TENM4: variants seen among roughly 807,000 people sequenced by gnomAD.
TENM4 encodes teneurin-4.
A neutral mutation model predicts 243.3 loss-of-function variants in TENM4; 82 were observed. That is an observed-to-expected ratio of 0.34 (90% CI 0.28 to 0.40). The LOEUF is 0.40. Among genes scored for constraint, TENM4 ranks in the 10% least tolerant of loss-of-function variants. The probability of loss-of-function intolerance (pLI) is 1.00; values close to 1 mark genes in which losing one functional copy is unlikely to be tolerated. For synonymous variants in TENM4, 1,412 were observed against 1,456.3 expected (o/e 0.97, Z 0.69); for missense variants, 3,138 against 3,673.3 (o/e 0.85, Z 3.77).
chr11:78,957,731 C>CG (rs1256481274), intron 6 of TENM4, among the ~76,000 whole-genome samples: 2 of 152,154 alleles, frequency 1.3e-5, no homozygotes, highest in Non-Finnish European at 2.9e-5. Flanking sequence ...GACCCATGGA[C>CG]GGCCCAGCAT....
chr11:78,778,136 G>A (rs529472049), intron 17 of TENM4, among the ~76,000 whole-genome samples: 10 of 152,246 alleles, frequency 6.6e-5, no homozygotes, highest in African/African-American at 2.4e-4. Flanking sequence ...ATAGATGCTC[G>A]TTGGACGAAT....
intron 22 of TENM4, among the ~76,000 whole-genome samples, chr11:78,727,899 TC>T (rs1224121449): frequency 1.3e-5 from 2 of 152,212 alleles, no homozygotes; most frequent in African/African-American, 2.4e-5. Context: ...CCTTAAAGTT[TC>T]TTGTAGATGC....
Position 79,153,725 on chromosome 11 carries a change from C to G in TENM4, c.-162-4919G>C, listed in dbSNP as rs79203472. The stretch of plus-strand genomic sequence containing the variant: ...TGCTGGGTCCTTTCACACTGGGGCT[C>G]TTCTCCAAACCATGCAAGGTTCCCC... On this transcript the variant is annotated intron_variant, in intron 3 of 33. Transcript: ENST00000278550. Among the ~76,000 whole-genome samples, 171 of 152,284 alleles carry G rather than the reference C, an allele frequency of 1.1e-3. 1 individual carries two copies. The East Asian group carries it at 0.024, about 22-fold the overall frequency.
chr11:79,203,696 A>G (rs11824538), intron 3 of TENM4, among the ~76,000 whole-genome samples: 16,416 of 152,252 alleles, frequency 0.11, 1,407 homozygotes, highest in African/African-American at 0.23. Context: ...CCTCATATAA[A>G]GTGGCATAGT....
intron 3 of TENM4, among the ~76,000 whole-genome samples, chr11:79,192,781 A>G (rs1422554054): frequency 1.3e-5 from 2 of 152,224 alleles, no homozygotes; most frequent in Non-Finnish European, 2.9e-5. Flanking sequence ...AAATATTTTC[A>G]GCACAGAGTC....
chr11:79,059,539 G>A (rs962419222), intron 6 of TENM4, among the ~76,000 whole-genome samples: 2 of 152,104 alleles, frequency 1.3e-5, no homozygotes, highest in Non-Finnish European at 2.9e-5. Context: ...ACAGGCTCAC[G>A]GCAACACTTC....
intron 3 of TENM4, among the ~76,000 whole-genome samples, chr11:79,185,847 C>A (rs1401474875): frequency 6.6e-6 from 1 of 152,154 alleles, no homozygotes; most frequent in Non-Finnish European, 1.5e-5. Flanking sequence ...TTCCTAAAAT[C>A]TCCAGAAACA....
chr11:79,391,222 G>A (rs528060416), intron 1 of TENM4, among the ~76,000 whole-genome samples: 1 of 152,232 alleles, frequency 6.6e-6, no homozygotes, highest in East Asian at 1.9e-4. Flanking sequence ...TTCTACAAGG[G>A]TGAGCTATTG....
chr11:78,771,273 G>A, intron 17 of TENM4, 135 bp from the exon 18 acceptor site: 5 of 1,137,730 alleles, frequency 4.4e-6, no homozygotes, highest in Non-Finnish European at 6.2e-6. Context: ...AGCCCAGGGA[G>A]GTAGGTATCA....
intron 2 of TENM4, among the ~76,000 whole-genome samples, chr11:79,284,221 T>C (rs1307764933): frequency 1.3e-5 from 2 of 152,270 alleles, no homozygotes; most frequent in South Asian, 4.2e-4. Flanking sequence ...GAACTTTATA[T>C]GGAAATGCAA....
At chr11:79,292,272 T>G (rs535612650) in intron 2 of TENM4, among the ~76,000 whole-genome samples, 1 of 152,162 alleles carries the variant, frequency 6.6e-6, no homozygotes, top group South Asian at 2.1e-4. Flanking sequence ...TCTCCTGCCC[T>G]CGACCACCAA....
chr11:79,375,780 G>A (rs1857879403), intron 1 of TENM4, among the ~76,000 whole-genome samples: 1 of 152,158 alleles, frequency 6.6e-6, no homozygotes, highest in African/African-American at 2.4e-5. Flanking sequence ...GAAGGCCATA[G>A]GATTTGATGG....
intron 9 of TENM4, among the ~76,000 whole-genome samples, chr11:78,883,746 C>T (rs539874170): frequency 2.0e-5 from 3 of 152,368 alleles, no homozygotes; most frequent in East Asian, 1.9e-4. Flanking sequence ...TGCACAGAAG[C>T]AACAGTTAGT....
In TENM4 at chr11:78,657,714, G is replaced by A. The variant is rs182198124; in HGVS notation, c.*344C>T. The A allele has an allele frequency of 1.9e-3, 811 of 425,640 alleles. No individual in the cohort carries two copies. The highest frequency in any genetic ancestry group is 4.2e-3 in the Admixed American group (117 of 28,016). The allele number at this position is 425,640 out of a possible 1,614,324, so 26.4% of individuals were successfully genotyped here. A position where few individuals can be genotyped will look rare whatever the true frequency, so the allele number is the denominator to read the frequency against. ...TGTCCCACATCACACTGGGTACCTA[G>A]GGACAGACGAGGACACACCCCAGGA... On this transcript the variant is annotated 3_prime_UTR_variant, in exon 34 of 34. Coordinates refer to ENST00000278550, the MANE Select transcript of TENM4 (RefSeq NM_001098816.3).
chr11:78,738,317 A>G lies in TENM4; in HGVS notation c.2876+134T>C, dbSNP rs58296948. The G allele has an allele frequency of 3.0e-4, 367 of 1,214,932 alleles. 1 individual carries two copies. The African/African-American group carries it at 5.3e-3, about 18-fold the overall frequency. The allele number at this position is 1,214,932 out of a possible 1,614,324, so 75.3% of individuals were successfully genotyped here. A position where few individuals can be genotyped will look rare whatever the true frequency, so the allele number is the denominator to read the frequency against. Reference sequence around the variant, plus strand: ...AGGTCATACAATTAGTAAGTTGCAGAGCTGGGCATTTGAATTCAGGCCCTC... The same window carrying G: ...AGGTCATACAATTAGTAAGTTGCAGGGCTGGGCATTTGAATTCAGGCCCTC... On this transcript the variant is annotated intron_variant, in intron 20 of 33. Coordinates refer to ENST00000278550, the MANE Select transcript of TENM4 (RefSeq NM_001098816.3).
chr11:79,155,605 C>T (rs559087647), intron 3 of TENM4, among the ~76,000 whole-genome samples: 78 of 149,662 alleles, frequency 5.2e-4, no homozygotes, highest in African/African-American at 1.2e-3. Flanking sequence ...TTTAATGGTC[C>T]GCCTTTCCCT....
chr11:78,730,359 C>T (rs542896656), intron 21 of TENM4, among the ~76,000 whole-genome samples: 7 of 152,184 alleles, frequency 4.6e-5, no homozygotes, highest in Non-Finnish European at 1.0e-4. Flanking sequence ...TAAACAGACA[C>T]TACGAGATGT....
At chr11:79,068,826 G>A (rs1860334716) in intron 5 of TENM4, among the ~76,000 whole-genome samples, 1 of 152,214 alleles carries the variant, frequency 6.6e-6, no homozygotes, top group Admixed American at 6.5e-5. Context: ...GCTGGCCCAT[G>A]AGTGGTGGAG....
intron 27 of TENM4, among the ~76,000 whole-genome samples, chr11:78,706,597 T>C (rs1214160727): frequency 6.6e-6 from 1 of 152,222 alleles, no homozygotes; most frequent in Non-Finnish European, 1.5e-5. Flanking sequence ...AGTGAGGGCC[T>C]TTAGAGATTT....
Sources: gnomAD v4.1 joint callset for allele counts (sites outside exome capture counted in the v4.1 genomes callset) on GRCh38, gnomAD v4.1.1 for gene constraint, MANE v1.5 for transcripts, NCBI Gene and HGNC (gene_info 2026-07-23, HGNC 2026-07-21) for gene names.